The following BMPR1B variants were observed in gnomAD, a reference collection of about 807,000 sequenced individuals.
BMPR1B encodes bone morphogenetic protein receptor type 1B.
A neutral mutation model predicts 59.1 loss-of-function variants in BMPR1B; 12 were observed. That is an observed-to-expected ratio of 0.20 (90% CI 0.13 to 0.33). BMPR1B has a LOEUF of 0.33. Among genes scored for constraint, BMPR1B ranks in the 10% least tolerant of loss-of-function variants. The pLI, the probability that BMPR1B is intolerant of heterozygous loss-of-function variation, is 1.00. For synonymous variants in BMPR1B, 237 were observed against 207.3 expected, an observed-to-expected ratio of 1.14 and a Z score of -1.23; for missense variants, 550 against 610.9, an observed-to-expected ratio of 0.90 and a Z score of 1.05.
chr4:95,064,884 A>G (rs1027863818), intron 3 of BMPR1B, among the ~76,000 whole-genome samples: 5 of 152,150 alleles, frequency 3.3e-5, no homozygotes, highest in Non-Finnish European at 5.9e-5. Context: ...AAATGATCCT[A>G]AAGATGTGGA....
chr4:95,020,524 A>G (rs954122666), intron 3 of BMPR1B, among the ~76,000 whole-genome samples: 11 of 150,394 alleles, frequency 7.3e-5, no homozygotes, highest in Non-Finnish European at 1.5e-4. Flanking sequence ...GGTTGCAGTG[A>G]GCCGAGATTG....
At chr4:94,914,977 C>G (rs966206710) in intron 2 of BMPR1B, among the ~76,000 whole-genome samples, 2 of 152,086 alleles carry the variant, frequency 1.3e-5, no homozygotes, top group Non-Finnish European at 2.9e-5. Context: ...AGCTGATGAT[C>G]ACGCAATACC....
intron 1 of BMPR1B, among the ~76,000 whole-genome samples, chr4:94,854,329 C>G (rs951277045): frequency 7.2e-5 from 11 of 152,212 alleles, no homozygotes; most frequent in African/African-American, 2.4e-4. Context: ...GTGGACATGA[C>G]TATAATAAGA....
At chr4:95,149,279 C>T (rs1055290874) in intron 11 of BMPR1B, among the ~76,000 whole-genome samples, 2 of 152,126 alleles carry the variant, frequency 1.3e-5, no homozygotes, top group African/African-American at 4.8e-5. Flanking sequence ...TCTCACCTAG[C>T]TGCTGGGCCC....
chr4:94,960,097 C>CT (rs11326735), intron 2 of BMPR1B, among the ~76,000 whole-genome samples: 1 of 152,064 alleles, frequency 6.6e-6, no homozygotes, highest in African/African-American at 2.4e-5. Context: ...GCTTTTGTCT[C>CT]TTTTTACCAA....
chr4:95,156,781 T>G lies in BMPR1B; in HGVS notation c.*2108T>G, dbSNP rs923988162. The G allele has an allele frequency of 6.6e-6, 1 of 152,170 alleles. No homozygotes were observed. The highest frequency in any genetic ancestry group is 1.5e-5 in the Non-Finnish European group (1 of 67,990). 9.4% of individuals were successfully genotyped at this position (152,170 alleles called of 1,614,324 possible). A position where few individuals can be genotyped will look rare whatever the true frequency, so the allele number is the denominator to read the frequency against. On this transcript the variant is annotated 3_prime_UTR_variant, in exon 13 of 13. Transcript: ENST00000515059. ...ATAATGTAAAGGTTCCTTTCTCTTG[T>G]GTCAGTTATATTCTTAGGGATAGCC...
At chr4:95,084,424 C>T (rs1277512451) in intron 3 of BMPR1B, among the ~76,000 whole-genome samples, 2 of 151,642 alleles carry the variant, frequency 1.3e-5, no homozygotes, top group Non-Finnish European at 1.5e-5. Context: ...GTGGCCAGGG[C>T]AGGTTCAGAT....
intron 3 of BMPR1B, among the ~76,000 whole-genome samples, chr4:95,011,260 C>T (rs2149123973): frequency 6.6e-6 from 1 of 152,184 alleles, no homozygotes; most frequent in Admixed American, 6.5e-5. Context: ...CTCAGGTAGA[C>T]CCCACTGTCT....
chr4:94,796,956 C>T (rs1272145234), intron 1 of BMPR1B, among the ~76,000 whole-genome samples: 1 of 152,106 alleles, frequency 6.6e-6, no homozygotes, highest in Non-Finnish European at 1.5e-5. Flanking sequence ...TTGGAGTACT[C>T]AGAATTCAAG....
At chr4:94,856,101 G>T (rs1309315823) in intron 1 of BMPR1B, among the ~76,000 whole-genome samples, 1 of 152,124 alleles carries the variant, frequency 6.6e-6, no homozygotes, top group Non-Finnish European at 1.5e-5. Flanking sequence ...ATAAGGAGCT[G>T]GCCTGGGGAA....
chr4:94,967,703 C>G (rs936053297), intron 2 of BMPR1B, among the ~76,000 whole-genome samples: 1 of 151,994 alleles, frequency 6.6e-6, no homozygotes, highest in African/African-American at 2.4e-5. Context: ...AGGCTGGTCT[C>G]GAACTCCTGA....
At chr4:95,047,708 A>G (rs973996301) in intron 3 of BMPR1B, among the ~76,000 whole-genome samples, 1 of 152,150 alleles carries the variant, frequency 6.6e-6, no homozygotes, top group Non-Finnish European at 1.5e-5. Context: ...AAATATATAA[A>G]TTTTTTGAAT....
rs1732834088 is a variant in BMPR1B, at chr4:95,125,366, G to A, written c.585+245G>A. On this transcript the variant is annotated intron_variant, in intron 8 of 12. Transcript: ENST00000515059. ...CCCTCAGACATTCTGATGAAGAGCA[G>A]ATTAGAAAACATTAAACACGGGACC... Among the ~76,000 whole-genome samples the A allele has an allele frequency of 3.9e-5, 6 of 152,296 alleles. No homozygotes were observed. The South Asian group carries it at 1.0e-3, about 26-fold the overall frequency.
At chr4:94,808,459 C>T (rs1404638113) in intron 1 of BMPR1B, among the ~76,000 whole-genome samples, 1 of 152,106 alleles carries the variant, frequency 6.6e-6, no homozygotes, top group Admixed American at 6.6e-5. Flanking sequence ...CTCAGCCACT[C>T]CCACACTGTG....
chr4:95,024,325 G>A (rs900659316), intron 3 of BMPR1B, among the ~76,000 whole-genome samples: 5 of 152,118 alleles, frequency 3.3e-5, no homozygotes, highest in African/African-American at 4.8e-5. Flanking sequence ...CGTATTTCAG[G>A]TTAAAATTTC....
In BMPR1B at chr4:95,004,135, G is replaced by A. The variant is rs1396160443; in HGVS notation, c.-18+8001G>A. ...AAACATAGTTTGTGTTTGTGTACGT[G>A]TGGGGGAGTTCACATGTGAAAGTTT... On this transcript the variant is annotated intron_variant, in intron 3 of 12. Transcript: ENST00000515059. Among the ~76,000 whole-genome samples, 4 of 152,168 alleles carry A rather than the reference G, an allele frequency of 2.6e-5. No homozygotes were observed. In the South Asian group the frequency reaches 6.2e-4, roughly 24 times the overall value.
At chr4:95,138,878 T>G (rs1176071985) in intron 10 of BMPR1B, among the ~76,000 whole-genome samples, 1 of 152,216 alleles carries the variant, frequency 6.6e-6, no homozygotes, top group African/African-American at 2.4e-5. Context: ...CGGAGAAGTT[T>G]GTTAATGCCG....
At chr4:94,880,016 T>C (rs1286582441) in intron 2 of BMPR1B, among the ~76,000 whole-genome samples, 2 of 152,282 alleles carry the variant, frequency 1.3e-5, no homozygotes, top group East Asian at 1.9e-4. Flanking sequence ...TAACAAAATA[T>C]TTTTATGGAA....
chr4:94,848,846 A>G lies in BMPR1B; in HGVS notation c.-182-26985A>G, dbSNP rs531616835. On this transcript the variant is annotated intron_variant, in intron 1 of 12. Transcript: ENST00000515059. ...AGGACAAATAGAAAGGATTTTATTT[A>G]GATGTAGTAGATAAATGAGAGGGAG... Among the ~76,000 whole-genome samples the G allele has an allele frequency of 2.2e-4, 33 of 152,276 alleles. 1 individual carries two copies. The South Asian group carries it at 6.2e-3, about 29-fold the overall frequency.
Sources: gnomAD v4.1 joint callset for allele counts (sites outside exome capture counted in the v4.1 genomes callset) on GRCh38, gnomAD v4.1.1 for gene constraint, MANE v1.5 for transcripts, NCBI Gene and HGNC (gene_info 2026-07-23, HGNC 2026-07-21) for gene names.